DIDO1: variants seen among roughly 807,000 people sequenced by gnomAD.
DIDO1 encodes the protein death inducer-obliterator 1.
DIDO1 carries 16 observed loss-of-function variants against 99.4 expected under a neutral mutation model. The ratio of observed to expected loss-of-function variants is 0.16; its 90% CI spans 0.11 to 0.24. The LOEUF (loss-of-function observed/expected upper bound fraction) is 0.24, where lower values mean the gene tolerates loss of function less well. DIDO1 is among the 10% of genes least tolerant of loss of function. The pLI is 1.00. For missense variants in DIDO1, 2,996 were observed against 3,014.0 expected, an observed-to-expected ratio of 0.99 and a Z score of 0.14; for synonymous variants, 1,366 against 1,239.1, an observed-to-expected ratio of 1.10 and a Z score of -2.15.
chr20:62,881,200 C>A lies in DIDO1; in HGVS notation c.4756G>T (p.Ala1586Ser), dbSNP rs1419162242. 1 of 1,606,766 alleles carries A rather than the reference C, an allele frequency of 6.2e-7. No homozygotes were observed. The highest frequency in any genetic ancestry group is 1.1e-5 in the South Asian group (1 of 90,924). Residue 1586 changes from alanine to serine, a missense_variant, in exon 16 of 16, where the codon GCC becomes TCC. Ala to Ser is a moderately conservative substitution (Grantham distance 99). This residue lies in a region of DIDO1 where 1,562 missense variants were observed against 1,412.6 expected (regional missense o/e 1.11). Transcript: ENST00000395343. The surrounding 1 kb of genome is among the most constrained non-coding windows in gnomAD (Gnocchi z 8.3). ...EPLSRLSARG[A>S]QGALPERDAS... ...TCTCTCTCGGGCAGGGCACCCTGGG[C>A]ACCACGTGCCGAGAGCCTGGAGAGA...
Position 62,892,818 on chromosome 20 carries a change from G to A in DIDO1, c.3246C>T (p.Tyr1082=). ...KAYPVSGCFD[Y]LSEDLPDTIH... ...TTTTCTTGGTTCTAACCTCACTGAG[G>A]TAATCAAAACACCCAGAGACAGGAT... The change falls in exon 13 of 16, where the codon TAC becomes TAT. Residue 1082 remains tyrosine, a synonymous_variant. Coordinates refer to ENST00000395343, the MANE Select transcript of DIDO1 (RefSeq NM_001193369.2). 6.2e-7 allele frequency: 1 copy of A among 1,613,284 alleles called. No individual in the cohort carries two copies. Among genetic ancestry groups the A allele is most frequent in the African/African-American group, 1.3e-5 (1 of 75,002 alleles).
rs368716436 is a variant in DIDO1 at position 62,879,248 on chromosome 20, G to T, written c.6708C>A (p.Thr2236=). 2 of 1,535,404 alleles carry T rather than the reference G, an allele frequency of 1.3e-6. No individual in the cohort carries two copies. Among genetic ancestry groups the T allele is most frequent in the Non-Finnish European group, 1.7e-6 (2 of 1,145,966 alleles). ...PEASRASDAG[T]ASQA ...GCCGGGGCGTCTAGGCCTGCGAGGC[G>T]GTGCCAGCGTCGGAGGCCCTCGAGG... Residue 2236 remains threonine (T), a synonymous_variant, in exon 16 of 16, where the codon ACC becomes ACA. Coordinates refer to ENST00000395343, the MANE Select transcript of DIDO1 (RefSeq NM_001193369.2). This position sits in a 1 kb window ranked among gnomAD's most constrained non-coding sequence, Gnocchi z 6.3.
At position 62,881,814 on chromosome 20, in the gene DIDO1, T is replaced by C; in HGVS notation, c.4142A>G (p.Asp1381Gly). 6.2e-7 allele frequency: 1 copy of C among 1,613,476 alleles called. No homozygotes were observed. The highest frequency in any genetic ancestry group is 8.5e-7 in the Non-Finnish European group (1 of 1,180,022). Residue 1381 changes from aspartate to glycine, a missense_variant, in exon 16 of 16, where the codon GAC becomes GGC. Physicochemically the swap from Asp to Gly is moderately conservative, Grantham distance 94 (BLOSUM62 -1). Coordinates refer to ENST00000395343, the MANE Select transcript of DIDO1 (RefSeq NM_001193369.2). This position sits in a 1 kb window ranked among gnomAD's most constrained non-coding sequence, Gnocchi z 8.3. ...CTCCTCAGGGTCGTATGGCCTGTCG[T>C]CCTCCTCTTCCTCTAGAGCCTTATC... Reference protein sequence around the residue: ...SKDKALEEEEDDRPYDPEEEY... With the variant: ...SKDKALEEEEGDRPYDPEEEY...
chr20:62,910,291 T>C (rs1301959378), intron 3 of DIDO1, among the ~76,000 whole-genome samples: 1 of 152,206 alleles, frequency 6.6e-6, no homozygotes, highest in Non-Finnish European at 1.5e-5. Context: ...CGACAATGCC[T>C]TTATCCCAGC....
chr20:62,911,576 G>A lies in DIDO1; in HGVS notation c.37C>T (p.Pro13Ser). 7 of 1,603,068 alleles carry A rather than the reference G, an allele frequency of 4.4e-6. No individual in the cohort carries two copies. Among genetic ancestry groups the A allele is most frequent in the South Asian group, 1.1e-5 (1 of 89,424 alleles). ...TTGCTGGTGGGTTTGATGGCCTTAGGTGCCTCCTCATTGCTCGGGTCGCCT... is the reference window on the plus strand; with the variant it reads ...TTGCTGGTGGGTTTGATGGCCTTAGATGCCTCCTCATTGCTCGGGTCGCCT... ...DKGDPSNEEAPKAIKPTSKEF... is the reference protein window; with the variant it reads ...DKGDPSNEEASKAIKPTSKEF... The change falls in exon 3 of 16, where the codon CCT becomes TCT. Residue 13 changes from proline (P) to serine (S), a missense_variant. Physicochemically the swap from Pro to Ser is moderately conservative, Grantham distance 74. This residue lies in a region of DIDO1 where 388 missense variants were observed against 376.6 expected (regional missense o/e 1.03). Transcript: ENST00000395343. The surrounding 1 kb of genome is among the most constrained non-coding windows in gnomAD (Gnocchi z 7.0).
chr20:62,924,297 G>A (rs766584436), intron 1 of DIDO1, among the ~76,000 whole-genome samples: 6 of 152,176 alleles, frequency 3.9e-5, no homozygotes, highest in Non-Finnish European at 7.3e-5. Flanking sequence ...AGACCTCTCA[G>A]GCAAGGGCAC....
upstream of DIDO1, among the ~76,000 whole-genome samples, chr20:62,930,571 TAG>T (rs1372000636): frequency 6.6e-6 from 1 of 152,224 alleles, no homozygotes; most frequent in African/African-American, 2.4e-5. Flanking sequence ...TTCTGTCTTT[TAG>T]ACAAAAGAAT....
intron 4 of DIDO1, 24 bp downstream of exon 4, chr20:62,909,675 T>C: frequency 6.2e-7 from 1 of 1,608,392 alleles, no homozygotes; most frequent in Non-Finnish European, 8.5e-7. Flanking sequence ...TGCTGAATGC[T>C]CGTCTCAGCG....
upstream of DIDO1, among the ~76,000 whole-genome samples, chr20:62,926,822 G>A (rs2065265512): frequency 6.6e-6 from 1 of 152,260 alleles, no homozygotes; most frequent in South Asian, 2.1e-4. Flanking sequence ...ACTGCACTCC[G>A]CCAGGATTTC....
rs2064457779 is a variant in DIDO1 at position 62,893,978 on chromosome 20, G to A, written c.2789C>T (p.Pro930Leu). 1 of 1,613,548 alleles carries A rather than the reference G, an allele frequency of 6.2e-7. No individual in the cohort carries two copies. Among genetic ancestry groups the A allele is most frequent in the African/African-American group, 1.3e-5 (1 of 74,932 alleles). Residue 930 changes from proline to leucine, a missense_variant, in exon 12 of 16, where the codon CCT becomes CTT. Coordinates refer to ENST00000395343, the MANE Select transcript of DIDO1 (RefSeq NM_001193369.2). ...GGGATGGCCATCTCCTGGAGGCCCA[G>A]GGAAATACGTTCTGTCCACATTTGG... is the stretch of plus-strand genomic sequence containing the variant. The part of the protein sequence containing the change: ...SHPNVDRTYF[P>L]GPPGDGHPEP...
chr20:62,919,279 G>A (rs1363524327), intron 1 of DIDO1, among the ~76,000 whole-genome samples: 2 of 152,150 alleles, frequency 1.3e-5, no homozygotes, highest in Non-Finnish European at 2.9e-5. Flanking sequence ...CGGGTGCGGT[G>A]GCTCATGCCT....
chr20:62,925,743 G>A (rs1037569338), intron 1 of DIDO1, among the ~76,000 whole-genome samples: 1 of 152,172 alleles, frequency 6.6e-6, no homozygotes, highest in Non-Finnish European at 1.5e-5. Context: ...GCGCAAGAGC[G>A]GGCCCTTTCG....
chr20:62,918,560 G>A (rs768740529), intron 1 of DIDO1, among the ~76,000 whole-genome samples: 2 of 152,148 alleles, frequency 1.3e-5, no homozygotes, highest in East Asian at 1.9e-4. Flanking sequence ...GCACCTCCAG[G>A]AAAAGAGCTC....
Position 62,910,940 on chromosome 20 carries a change from C to A in DIDO1, c.673G>T (p.Val225Phe), listed in dbSNP as rs1169551387. ...TCATCTTTCCCAGCCTGGGACACAA[C>A]CCCCTGATCGTTCTCGGGCTCCTGC... The part of the protein sequence containing the change: ...SKQEPENDQG[V>F]VSQAGKDDRE... The change falls in exon 3 of 16, where the codon GTT becomes TTT. Residue 225 changes from valine to phenylalanine, a missense_variant. Val to Phe is a conservative substitution (Grantham distance 50). This residue lies in a region of DIDO1 where 388 missense variants were observed against 376.6 expected (regional missense o/e 1.03). Coordinates refer to ENST00000395343, the MANE Select transcript of DIDO1 (RefSeq NM_001193369.2). The A allele has an allele frequency of 3.7e-6, 6 of 1,614,202 alleles. No individual in the cohort carries two copies. The highest frequency in any genetic ancestry group is 1.1e-5 in the South Asian group (1 of 91,088).
At chr20:62,903,928 C>A (rs915370237) in intron 6 of DIDO1, among the ~76,000 whole-genome samples, 2 of 152,168 alleles carry the variant, frequency 1.3e-5, no homozygotes, top group African/African-American at 4.8e-5. Context: ...GACCTCTCCC[C>A]GCTCACAGTG....
Position 62,887,082 on chromosome 20 carries a change from A to T in DIDO1, c.3541+3878T>A. 4 of 982,872 alleles carry T rather than the reference A, an allele frequency of 4.1e-6. No homozygotes were observed. In the South Asian group the frequency reaches 1.9e-4, roughly 46 times the overall value. The allele number at this position is 982,872 out of a possible 1,614,324, so 60.9% of individuals were successfully genotyped here. On this transcript the variant is annotated intron_variant, in intron 15 of 15. Coordinates refer to ENST00000395343, the MANE Select transcript of DIDO1 (RefSeq NM_001193369.2). ...CACCAGCCTGCACTGCGTCCTCTCC[A>T]GCAGCTGCTGGGTGGGCTGCAGAGC... is the stretch of plus-strand genomic sequence containing the variant.
rs900449064 is a variant in DIDO1, at chr20:62,910,982, C to T, written c.631G>A (p.Gly211Ser). 3 of 1,613,982 alleles carry T rather than the reference C, an allele frequency of 1.9e-6. No homozygotes were observed. Among genetic ancestry groups the T allele is most frequent in the East Asian group, 2.2e-5 (1 of 44,860 alleles). ...GGCTCCTGCTTACTGGGCAGGACGC[C>T]CTCCACAGTGTCACTGGCCTCGGAG... ...VGSEASDTVE[G>S]VLPSKQEPEN... The change falls in exon 3 of 16, where the codon GGC (glycine) becomes AGC (serine). Residue 211 changes from glycine (G) to serine (S), a missense_variant. Transcript: ENST00000395343.
chr20:62,898,754 A>G (rs542102067), intron 6 of DIDO1, among the ~76,000 whole-genome samples: 2 of 152,294 alleles, frequency 1.3e-5, no homozygotes, highest in South Asian at 4.1e-4. Context: ...AGCGCACTAT[A>G]AAAAATGGCA....
chr20:62,892,689 G>T, intron 13 of DIDO1, 120 bp downstream of exon 13: 1 of 1,325,414 alleles, frequency 7.5e-7, no homozygotes, highest in Non-Finnish European at 1.0e-6. Context: ...TTGCAAGAGT[G>T]TCAGGCATTT....
Sources: gnomAD v4.1 joint callset for allele counts (sites outside exome capture counted in the v4.1 genomes callset) on GRCh38, gnomAD v4.1.1 for gene constraint, gnomAD v4.1.1 regional missense constraint, Gnocchi (gnomAD v3.1) non-coding constraint, MANE v1.5 for transcripts, NCBI Gene and HGNC (gene_info 2026-07-23, HGNC 2026-07-21) for gene names.